CRYGN: variants seen among roughly 807,000 people sequenced by gnomAD.
CRYGN encodes the protein crystallin gamma N.
In CRYGN, 17 loss-of-function variants were observed where a neutral mutation model predicts 19.2. The ratio of observed to expected loss-of-function variants is 0.89; its 90% confidence interval spans 0.61 to 1.33. The LOEUF is 1.33. Ranked by LOEUF, CRYGN falls within the 40% of genes most tolerant of loss-of-function variation. CRYGN has a pLI of 0.00. For missense variants in CRYGN, 239 were observed against 239.6 expected, an observed-to-expected ratio of 1.00 and a Z score of 0.02; for synonymous variants, 84 against 85.8, an observed-to-expected ratio of 0.98 and a Z score of 0.12.
chr7:151,436,045 C>T lies in CRYGN; in HGVS notation c.416+135G>A. On this transcript the variant is annotated intron_variant, in intron 3 of 3. Transcript: ENST00000337323. This position sits in a 1 kb window ranked among gnomAD's most constrained non-coding sequence, Gnocchi z 5.1. ...TGAGGAAAGGAGAGGGCCTGTGGGG[C>T]CAGGGACACGCTGCCCACTGCTGGA... 1.7e-6 allele frequency: 1 copy of T among 586,758 alleles called. No homozygotes were observed. The highest frequency in any genetic ancestry group is 1.9e-5 in the African/African-American group (1 of 52,058). The allele number at this position is 586,758 out of a possible 1,614,324, so 36.3% of individuals were successfully genotyped here. A position where few individuals can be genotyped will look rare whatever the true frequency, so the allele number is the denominator to read the frequency against.
rs369743604 is a variant in CRYGN at position 151,431,200 on chromosome 7, C to G, written c.417-1020G>C. ...AGTTACCTGGGCCACCCCCAGGGACCAGAGTTCCCCTCGTGGGACCTTTCC... is the reference window on the plus strand; with the variant it reads ...AGTTACCTGGGCCACCCCCAGGGACGAGAGTTCCCCTCGTGGGACCTTTCC... On this transcript the variant is annotated intron_variant, in intron 3 of 3. Coordinates refer to ENST00000337323, the MANE Select transcript of CRYGN (RefSeq NM_144727.3). The surrounding 1 kb of genome is among the most constrained non-coding windows in gnomAD (Gnocchi z 4.8). 6.6e-6 allele frequency among the ~76,000 whole-genome samples: 1 copy of G among 152,178 alleles called. No homozygotes were observed.
Position 151,436,186 on chromosome 7 carries a change from T to C in CRYGN, c.410A>G (p.Asp137Gly). 1.1e-5 allele frequency: 16 copies of C among 1,522,172 alleles called. No individual in the cohort carries two copies. Among genetic ancestry groups the C allele is most frequent in the Non-Finnish European group, 1.4e-5 (16 of 1,129,978 alleles). The allele number at this position is 1,522,172 out of a possible 1,614,324, so 94.3% of individuals were successfully genotyped here. A position where few individuals can be genotyped will look rare whatever the true frequency, so the allele number is the denominator to read the frequency against. The change falls in exon 3 of 4, where the codon GAC becomes GGC. Residue 137 changes from aspartate to glycine, a missense_variant. Transcript: ENST00000337323. This position sits in a 1 kb window ranked among gnomAD's most constrained non-coding sequence, Gnocchi z 5.1. ...CCACGTGGCCTGTACTCACGCTCCG[T>C]CCCCGTACACCTTGATGGTGTTCAC... ...NCVNTIKVYG[D>G]GAAWSPRSFG...
chr7:151,440,211 T>A (rs775337847), upstream of CRYGN: 2 of 775,672 alleles, frequency 2.6e-6, no homozygotes, highest in Non-Finnish European at 3.7e-6. Context: ...TGCCCTGGAG[T>A]GGTGGGGGGA....
chr7:151,430,307 C>A lies in CRYGN; in HGVS notation c.417-127G>T, dbSNP rs1801434569. On this transcript the variant is annotated intron_variant, in intron 3 of 3. Coordinates refer to ENST00000337323, the MANE Select transcript of CRYGN (RefSeq NM_144727.3). The surrounding 1 kb of genome is among the most constrained non-coding windows in gnomAD (Gnocchi z 5.2). ...CTTTCCTGGGCGGAGTGGACGGTTG[C>A]CTAGTGGTTTCATGTCTTCATTTGG... The A allele has an allele frequency of 2.2e-6, 2 of 906,684 alleles. No individual in the cohort carries two copies. The highest frequency in any genetic ancestry group is 3.4e-4 in the Middle Eastern group (1 of 2,940). 56.2% of individuals were successfully genotyped at this position (906,684 alleles called of 1,614,324 possible). A position where few individuals can be genotyped will look rare whatever the true frequency, so the allele number is the denominator to read the frequency against.
chr7:151,434,017 AG>A (rs931593213), intron 3 of CRYGN, among the ~76,000 whole-genome samples: 23 of 152,188 alleles, frequency 1.5e-4, no homozygotes, highest in African/African-American at 5.5e-4. Flanking sequence ...GAGTCTTGGC[AG>A]TGGGAGGTGG....
In CRYGN at chr7:151,436,095, A is replaced by C; in HGVS notation, c.416+85T>G. On this transcript the variant is annotated intron_variant, in intron 3 of 3. Transcript: ENST00000337323. The surrounding 1 kb of genome is among the most constrained non-coding windows in gnomAD (Gnocchi z 5.1). The stretch of plus-strand genomic sequence containing the variant: ...AGGTCTCATTCCCACCCCACCCACC[A>C]CCCCTGTGTGGCGGGCAGCCTCCCA... 2.7e-6 allele frequency: 3 copies of C among 1,112,354 alleles called. No homozygotes were observed. Among genetic ancestry groups the C allele is most frequent in the Non-Finnish European group, 3.5e-6 (3 of 850,526 alleles). 68.9% of individuals were successfully genotyped at this position (1,112,354 alleles called of 1,614,324 possible). A position where few individuals can be genotyped will look rare whatever the true frequency, so the allele number is the denominator to read the frequency against.
chr7:151,432,304 G>A lies in CRYGN; in HGVS notation c.417-2124C>T, dbSNP rs1427252264. 5 of 1,210,854 alleles carry A rather than the reference G, an allele frequency of 4.1e-6. No homozygotes were observed. In the Admixed American group the frequency reaches 2.1e-4, roughly 51 times the overall value. 75.0% of individuals were successfully genotyped at this position (1,210,854 alleles called of 1,614,324 possible). A position where few individuals can be genotyped will look rare whatever the true frequency, so the allele number is the denominator to read the frequency against. On this transcript the variant is annotated intron_variant, in intron 3 of 3. Transcript: ENST00000337323. ...GACCCACCTGGAGGCCAGGGGAGTG[G>A]GGATCAGGGGCTGCCAGGAAGTCCC... is the stretch of plus-strand genomic sequence containing the variant.
Position 151,437,908 on chromosome 7 carries a change from C to G in CRYGN, c.270+88G>C, listed in dbSNP as rs188797066. On this transcript the variant is annotated intron_variant, in intron 2 of 3. Coordinates refer to ENST00000337323, the MANE Select transcript of CRYGN (RefSeq NM_144727.3). The stretch of plus-strand genomic sequence containing the variant: ...AGACTTTAAAGCCGGGAGGACCACG[C>G]TCCCCGATTCCTTGCCACTGTCTGC... 58 of 1,595,880 alleles carry G rather than the reference C, an allele frequency of 3.6e-5. No homozygotes were observed. In the African/African-American group the frequency reaches 6.9e-4, roughly 19 times the overall value.
In CRYGN at chr7:151,430,849, TGGGATCGCAGTCG is replaced by T. The variant is rs1039583988; in HGVS notation, c.417-682_417-670del. On this transcript the variant is annotated intron_variant, in intron 3 of 3. Transcript: ENST00000337323. This position sits in a 1 kb window ranked among gnomAD's most constrained non-coding sequence, Gnocchi z 5.2. ...GGGAGCCAGTTGGTTGGGGGGACTC[TGGGATCGCAGTCG>T]GGGATTAGAGGCTGGACCAGGAGTC... Among the ~76,000 whole-genome samples, 7 of 152,178 alleles carry T rather than the reference TGGGATCGCAGTCG, an allele frequency of 4.6e-5. No homozygotes were observed. Among genetic ancestry groups the T allele is most frequent in the African/African-American group, 1.7e-4 (7 of 41,450 alleles).
chr7:151,438,277 G>C (rs1191587651), intron 1 of CRYGN, 33 bp from the exon 2 acceptor site: 2 of 1,580,394 alleles, frequency 1.3e-6, no homozygotes, highest in Non-Finnish European at 1.7e-6. Flanking sequence ...CTCAGGGTCA[G>C]GGGCTTCTCT....
chr7:151,432,542 G>A (rs140791922), intron 3 of CRYGN, among the ~76,000 whole-genome samples: 12 of 152,316 alleles, frequency 7.9e-5, no homozygotes, highest in Non-Finnish European at 7.4e-5. Context: ...GGGGGCTCAC[G>A]CCTGTAATCT....
chr7:151,440,318 G>A, upstream of CRYGN: 1 of 267,688 alleles, frequency 3.7e-6, no homozygotes, highest in Admixed American at 5.5e-5. Flanking sequence ...CCTGTTCCGA[G>A]CTCCCCAGCC....
In CRYGN at chr7:151,440,017, G is replaced by A; in HGVS notation, c.-100C>T. On this transcript the variant is annotated 5_prime_UTR_variant, in exon 1 of 4. Transcript: ENST00000337323. ...AAAGATTTGCTGGGCCGGCCCCGGA[G>A]CGTTAGTGCTGTCGGGCGTGCTAAG... 1.4e-6 allele frequency: 2 copies of A among 1,403,450 alleles called. No individual in the cohort carries two copies. Among genetic ancestry groups the A allele is most frequent in the African/African-American group, 1.5e-5 (1 of 67,656 alleles). 86.9% of individuals were successfully genotyped at this position (1,403,450 alleles called of 1,614,324 possible).
rs1202590236 is a variant in CRYGN, at chr7:151,439,989, AC to A, written c.-73del. On this transcript the variant is annotated 5_prime_UTR_variant, in exon 1 of 4. Transcript: ENST00000337323. ...CCCTGCTGGCTCAGCGCCGCCCCGGACAAAAGATTTGCTGGGCCGGCCCCGG... is the reference window on the plus strand; with the variant it reads ...CCCTGCTGGCTCAGCGCCGCCCCGGAAAAAGATTTGCTGGGCCGGCCCCGG... 2 of 1,444,054 alleles carry A rather than the reference AC, an allele frequency of 1.4e-6. No individual in the cohort carries two copies. The highest frequency in any genetic ancestry group is 1.8e-6 in the Non-Finnish European group (2 of 1,094,770). The allele number at this position is 1,444,054 out of a possible 1,614,324, so 89.5% of individuals were successfully genotyped here.
In CRYGN at chr7:151,429,472, C is replaced by T. The variant is rs1430842085; in HGVS notation, c.*576G>A. 1 of 163,422 alleles carries T rather than the reference C, an allele frequency of 6.1e-6. No homozygotes were observed. Among genetic ancestry groups the T allele is most frequent in the African/African-American group, 2.4e-5 (1 of 41,544 alleles). 10.1% of individuals were successfully genotyped at this position (163,422 alleles called of 1,614,324 possible). Reference sequence around the variant, plus strand: ...GCCTGGAGAGGCTTTGGGTTTGCGCCAAATTCATGACAAAAATATATCTAA... The same window carrying T: ...GCCTGGAGAGGCTTTGGGTTTGCGCTAAATTCATGACAAAAATATATCTAA... On this transcript the variant is annotated 3_prime_UTR_variant, in exon 4 of 4. Coordinates refer to ENST00000337323, the MANE Select transcript of CRYGN (RefSeq NM_144727.3).
chr7:151,431,892 C>A lies in CRYGN; in HGVS notation c.417-1712G>T. ...GAACCGGCCTGGGTTCCGGCCCTGCCCCATCCCCATTGCTTCTCACCACCT... is the reference window on the plus strand; with the variant it reads ...GAACCGGCCTGGGTTCCGGCCCTGCACCATCCCCATTGCTTCTCACCACCT... On this transcript the variant is annotated intron_variant, in intron 3 of 3. Coordinates refer to ENST00000337323, the MANE Select transcript of CRYGN (RefSeq NM_144727.3). This position sits in a 1 kb window ranked among gnomAD's most constrained non-coding sequence, Gnocchi z 4.8. 3.5e-6 allele frequency: 1 copy of A among 286,212 alleles called. No homozygotes were observed. Among genetic ancestry groups the A allele is most frequent in the Non-Finnish European group, 6.5e-6 (1 of 154,476 alleles). 17.7% of individuals were successfully genotyped at this position (286,212 alleles called of 1,614,324 possible). A position where few individuals can be genotyped will look rare whatever the true frequency, so the allele number is the denominator to read the frequency against.
rs151156794 is a variant in CRYGN, at chr7:151,435,908, A to G, written c.416+272T>C. ...CTCTCCTACCTCTGCTCCTGGACTGAGGCCCTAGAGGGAAGGTCTCAGGGT... is the reference window on the plus strand; with the variant it reads ...CTCTCCTACCTCTGCTCCTGGACTGGGGCCCTAGAGGGAAGGTCTCAGGGT... On this transcript the variant is annotated intron_variant, in intron 3 of 3. Transcript: ENST00000337323. This position sits in a 1 kb window ranked among gnomAD's most constrained non-coding sequence, Gnocchi z 4.2. 6.6e-6 allele frequency among the ~76,000 whole-genome samples: 1 copy of G among 152,132 alleles called. No homozygotes were observed. Among genetic ancestry groups the G allele is most frequent in the Non-Finnish European group, 1.5e-5 (1 of 68,014 alleles).
rs1403310574 is a variant in CRYGN, at chr7:151,431,571, T to G, written c.417-1391A>C. On this transcript the variant is annotated intron_variant, in intron 3 of 3. Transcript: ENST00000337323. This position sits in a 1 kb window ranked among gnomAD's most constrained non-coding sequence, Gnocchi z 4.8. ...CTGCAGCAGACACGCCCCATGCCCC[T>G]TTCTCCCCGAAAGCCCCTCCATTCC... 6.6e-6 allele frequency among the ~76,000 whole-genome samples: 1 copy of G among 151,748 alleles called. No individual in the cohort carries two copies. The highest frequency in any genetic ancestry group is 1.5e-5 in the Non-Finnish European group (1 of 67,932).
In CRYGN at chr7:151,440,063, T is replaced by C. The variant is rs1048526227; in HGVS notation, c.-146A>G. ...CTAAGCCCGAGGGGCCACCAGGCGG[T>C]TGGGACCCGCCGCGGCCACCCTGTG... On this transcript the variant is annotated 5_prime_UTR_variant, in exon 1 of 4. Coordinates refer to ENST00000337323, the MANE Select transcript of CRYGN (RefSeq NM_144727.3). 16 of 1,359,412 alleles carry C rather than the reference T, an allele frequency of 1.2e-5. No homozygotes were observed. The highest frequency in any genetic ancestry group is 1.5e-5 in the African/African-American group (1 of 65,318). 84.2% of individuals were successfully genotyped at this position (1,359,412 alleles called of 1,614,324 possible).
Sources: gnomAD v4.1 joint callset for allele counts (sites outside exome capture counted in the v4.1 genomes callset) on GRCh38, gnomAD v4.1.1 for gene constraint, Gnocchi (gnomAD v3.1) non-coding constraint, MANE v1.5 for transcripts, NCBI Gene and HGNC (gene_info 2026-07-23, HGNC 2026-07-21) for gene names.